The following SEC16B variants were observed in gnomAD, a reference collection of about 807,000 sequenced individuals.
SEC16B encodes protein transport protein Sec16B.
In SEC16B, 115 loss-of-function variants were observed where a neutral mutation model predicts 141.8. The observed-to-expected ratio is 0.81, with a 90% confidence interval of 0.70 to 0.95. The LOEUF (loss-of-function observed/expected upper bound fraction) is 0.95. SEC16B is among the 40% of genes least tolerant of loss of function. SEC16B has a pLI of 0.00. For synonymous variants in SEC16B, 493 were observed against 492.5 expected, an observed-to-expected ratio of 1.00 and a Z score of -0.01; for missense variants, 1,291 against 1,312.3, an observed-to-expected ratio of 0.98 and a Z score of 0.25.
chr1:177,945,163 C>G (rs77373722), intron 14 of SEC16B, among the ~76,000 whole-genome samples: 7,162 of 152,268 alleles, frequency 0.047, 251 homozygotes, highest in Non-Finnish European at 0.072. Context: ...GACTGCTGAG[C>G]CAGAAATCAA....
Position 177,932,529 on chromosome 1 carries a change from T to A in SEC16B, c.2973A>T (p.Ala991=). 6.4e-7 allele frequency: 1 copy of A among 1,559,732 alleles called. No individual in the cohort carries two copies. Among genetic ancestry groups the A allele is most frequent in the Non-Finnish European group, 8.7e-7 (1 of 1,152,396 alleles). ...EGRGSASSGG[A]AAGAGVGGLS... ...AGCCTCCAACCCCAGCGCCCGCAGC[T>A]GCTCCCCCGCTGGATGCGGATCCTC... The change falls in exon 24 of 26, where the codon GCA becomes GCT. Residue 991 remains alanine (A), a synonymous_variant. Transcript: ENST00000308284.
intron 18 of SEC16B, 112 bp downstream of exon 18, chr1:177,939,590 A>G (rs1166590862): frequency 5.5e-6 from 5 of 911,104 alleles, no homozygotes; most frequent in Non-Finnish European, 8.6e-6. Flanking sequence ...TTACACAGGC[A>G]AGGCAGGCAC....
intron 22 of SEC16B, 118 bp from the exon 23 acceptor site, chr1:177,932,924 CT>C: frequency 1.1e-6 from 1 of 944,552 alleles, no homozygotes; most frequent in South Asian, 1.5e-5. Flanking sequence ...CTGCTGGGCA[CT>C]CCCCAAAACC....
At chr1:177,964,046 G>T in intron 5 of SEC16B, 125 bp downstream of exon 5, 1 of 639,230 alleles carries the variant, frequency 1.6e-6, no homozygotes, top group Non-Finnish European at 2.7e-6. Flanking sequence ...CAAGAGGGGA[G>T]GAATGGGTCC....
chr1:177,936,316 C>G lies in SEC16B; in HGVS notation c.2553G>C (p.Glu851Asp). 6.2e-7 allele frequency: 1 copy of G among 1,610,890 alleles called. No individual in the cohort carries two copies. The highest frequency in any genetic ancestry group is 8.5e-7 in the Non-Finnish European group (1 of 1,178,718). ...CTCTCACCTGTGGTTTGGAAATGAC[C>G]TCTTGGCCATCAGGAGGCTGGGAAG... is the stretch of plus-strand genomic sequence containing the variant. The part of the protein sequence containing the change: ...QETSQPPDGQ[E>D]VISKPQTPLA... Residue 851 changes from glutamate to aspartate, a missense_variant, in exon 20 of 26, where the codon GAG becomes GAC. Glu to Asp is a conservative substitution (Grantham distance 45). Transcript: ENST00000308284.
intron 12 of SEC16B, chr1:177,948,488 G>C (rs1412395810): frequency 5.4e-6 from 7 of 1,304,022 alleles, no homozygotes; most frequent in Non-Finnish European, 7.1e-6. Flanking sequence ...GCCACTTTAA[G>C]AATAAGAAAA....
In SEC16B at chr1:177,932,475, A is replaced by AG. The variant is rs780160104; in HGVS notation, c.3012+14dup. On this transcript the variant is annotated intron_variant, in intron 24 of 25. Transcript: ENST00000308284. ...CTGCTGGGGTCCGAGGCTCCAGCCC[A>AG]GGGGGGCCGCTTACCTCTGGTCCAG... The AG allele has an allele frequency of 1.1e-5, 17 of 1,520,014 alleles. No individual in the cohort carries two copies. Among genetic ancestry groups the AG allele is most frequent in the Middle Eastern group, 1.7e-4 (1 of 5,808 alleles). The allele number at this position is 1,520,014 out of a possible 1,614,324, so 94.2% of individuals were successfully genotyped here.
chr1:177,951,764 T>C (rs1423164065), intron 12 of SEC16B, 150 bp downstream of exon 12: 1 of 669,462 alleles, frequency 1.5e-6, no homozygotes, highest in African/African-American at 1.8e-5. Flanking sequence ...TCAAAGCACT[T>C]AGCACAGGGC....
At chr1:177,930,180 A>G (rs150326690) in intron 25 of SEC16B, among the ~76,000 whole-genome samples, 1 of 152,312 alleles carries the variant, frequency 6.6e-6, no homozygotes, top group East Asian at 1.9e-4. Flanking sequence ...GGAACAGGGA[A>G]CTTAGCTTCT....
intron 25 of SEC16B, 46 bp downstream of exon 25, chr1:177,930,498 CA>C: frequency 7.2e-7 from 1 of 1,386,000 alleles, no homozygotes; most frequent in Non-Finnish European, 1.0e-6. Flanking sequence ...CTCCTTAATC[CA>C]AAACCTGTAC....
chr1:177,949,643 G>C (rs994854744), intron 12 of SEC16B, among the ~76,000 whole-genome samples: 1 of 151,876 alleles, frequency 6.6e-6, no homozygotes, highest in Non-Finnish European at 1.5e-5. Context: ...AACTCTACTG[G>C]GCACCAAAAT....
chr1:177,969,479 A>C (rs761942545), intron 1 of SEC16B, among the ~76,000 whole-genome samples: 18 of 152,188 alleles, frequency 1.2e-4, no homozygotes, highest in Non-Finnish European at 2.1e-4. Context: ...GACACAGGGA[A>C]GGGCACATGA....
In SEC16B at chr1:177,958,192, C is replaced by T; in HGVS notation, c.1305G>A (p.Val435=). ...NLLTGEIPPS[V]ETPAQIVEKF... ...TCTCCACGATCTGCGCAGGTGTCTC[C>T]ACACTGGGGGGGATCTCTCCCGTGA... The change falls in exon 10 of 26, where the codon GTG becomes GTA. Residue 435 remains valine (V), a synonymous_variant. Transcript: ENST00000308284. The T allele has an allele frequency of 6.3e-7, 1 of 1,594,796 alleles. No individual in the cohort carries two copies. Among genetic ancestry groups the T allele is most frequent in the Non-Finnish European group, 8.5e-7 (1 of 1,169,920 alleles).
At chr1:177,937,139 C>T (rs1650900875) in intron 19 of SEC16B, 75 bp downstream of exon 19, 5 of 1,484,722 alleles carry the variant, frequency 3.4e-6, no homozygotes, top group Non-Finnish European at 4.5e-6. Context: ...TGACTGGTCC[C>T]ACCACCTCCC....
chr1:177,930,553 C>T lies in SEC16B; in HGVS notation c.3103G>A (p.Val1035Met), dbSNP rs199705935. The change falls in exon 25 of 26, where the codon GTG becomes ATG. Residue 1035 changes from valine to methionine, a missense_variant. Around this residue, in one of 3 missense-constraint regions of SEC16B, gnomAD observed 605 missense variants for 614.1 expected, o/e 0.99. Coordinates refer to ENST00000308284, the MANE Select transcript of SEC16B (RefSeq NM_033127.4). ...GAVPLYNPSQ[V>M]PQLPTATSLN... is the part of the protein sequence containing the mutation. ...CCTGAGGGCTTCCTTACCTGAGGCA[C>T]CTGAGATGGGTTGTAAAGAGGAACA... 5 of 1,613,074 alleles carry T rather than the reference C, an allele frequency of 3.1e-6. No individual in the cohort carries two copies. In the Admixed American group the frequency reaches 6.7e-5, roughly 22 times the overall value.
chr1:177,970,684 A>G (rs914086389), upstream of SEC16B, among the ~76,000 whole-genome samples: 1 of 152,250 alleles, frequency 6.6e-6, no homozygotes, highest in African/African-American at 2.4e-5. Flanking sequence ...TGAAGGCACT[A>G]AAAAGTTTTC....
At chr1:177,937,149 C>T in intron 19 of SEC16B, 65 bp downstream of exon 19, 1 of 1,514,682 alleles carries the variant, frequency 6.6e-7, no homozygotes, top group Non-Finnish European at 8.8e-7. Flanking sequence ...CACCACCTCC[C>T]TTTCCTGCTT....
chr1:177,967,601 AAAGGAAAAGGAAG>A, intron 2 of SEC16B, 69 bp downstream of exon 2: 1 of 1,367,902 alleles, frequency 7.3e-7, no homozygotes, highest in East Asian at 2.3e-5. Context: ...GAGAAAAATA[AAAGGAAAAGGAAG>A]AAGGAAAAGA....
At chr1:177,957,106 A>T (rs987679700) in intron 10 of SEC16B, among the ~76,000 whole-genome samples, 9 of 152,168 alleles carry the variant, frequency 5.9e-5, no homozygotes, top group African/African-American at 1.9e-4. Context: ...TTTGGTGTAT[A>T]TATAAAGAAC....
Sources: gnomAD v4.1 joint callset for allele counts (sites outside exome capture counted in the v4.1 genomes callset) on GRCh38, gnomAD v4.1.1 for gene constraint, gnomAD v4.1.1 regional missense constraint, MANE v1.5 for transcripts, NCBI Gene and HGNC (gene_info 2026-07-23, HGNC 2026-07-21) for gene names.